The following ZNF622 variants were observed in gnomAD, a reference collection of about 807,000 sequenced individuals.
ZNF622 encodes the protein cytoplasmic 60S subunit biogenesis factor ZNF622.
ZNF622 carries 34 observed loss-of-function variants against 49.7 expected under a neutral mutation model. The ratio of observed to expected loss-of-function variants is 0.68; its 90% CI spans 0.52 to 0.91. The LOEUF is 0.91. Among genes scored for constraint, ZNF622 ranks in the 40% least tolerant of loss-of-function variants. The probability of loss-of-function intolerance (pLI) is 0.00; values close to 1 mark genes in which losing one functional copy is unlikely to be tolerated. For missense variants in ZNF622, 569 were observed against 616.4 expected (o/e 0.92, Z 0.81); for synonymous variants, 209 against 228.7 (o/e 0.91, Z 0.78).
intron 4 of ZNF622, among the ~76,000 whole-genome samples, chr5:16,454,856 T>C (rs1462823903): frequency 6.6e-6 from 1 of 152,172 alleles, no homozygotes; most frequent in African/African-American, 2.4e-5. Flanking sequence ...AGGGAAAATG[T>C]CCCAACCCAT....
rs1254865967 is a variant in ZNF622 at position 16,451,537 on chromosome 5, T to C, written c.*120A>G. The C allele has an allele frequency of 5.2e-6, 7 of 1,345,322 alleles. No homozygotes were observed. Among genetic ancestry groups the C allele is most frequent in the Non-Finnish European group, 7.0e-6 (7 of 993,344 alleles). 83.3% of individuals were successfully genotyped at this position (1,345,322 alleles called of 1,614,324 possible). The stretch of plus-strand genomic sequence containing the variant: ...AAACTCATATGGTTCTAACTTTTAT[T>C]ATTAGGTCAGAACGAATGAAGTAGC... On this transcript the variant is annotated 3_prime_UTR_variant, in exon 6 of 6. Transcript: ENST00000308683.
rs772579592 is a variant in ZNF622 at position 16,465,366 on chromosome 5, C to T, written c.300G>A (p.Gln100=). ...RHVELEKKAV[Q]AVNRKVEMMN... ...TCATCTCCACTTTCCGATTCACTGC[C>T]TGCACGGCCTTCTTCTCCAGCTCAA... is the stretch of plus-strand genomic sequence containing the variant. The change falls in exon 1 of 6, where the codon CAG becomes CAA. Residue 100 remains glutamine, a synonymous_variant. Transcript: ENST00000308683. The surrounding 1 kb of genome is among the most constrained non-coding windows in gnomAD (Gnocchi z 6.2). The T allele has an allele frequency of 1.2e-6, 2 of 1,614,296 alleles. No homozygotes were observed. Among genetic ancestry groups the T allele is most frequent in the Non-Finnish European group, 1.7e-6 (2 of 1,180,058 alleles).
intron 3 of ZNF622, among the ~76,000 whole-genome samples, chr5:16,461,712 T>C (rs1221770179): frequency 6.6e-6 from 1 of 152,154 alleles, no homozygotes; most frequent in Non-Finnish European, 1.5e-5. Context: ...CAGGAGTTGA[T>C]TTTGGACAGG....
At chr5:16,458,981 G>C (rs1365764829) in intron 3 of ZNF622, among the ~76,000 whole-genome samples, 1 of 152,214 alleles carries the variant, frequency 6.6e-6, no homozygotes, top group Non-Finnish European at 1.5e-5. Context: ...TGTGATGACA[G>C]AAAACGTTCT....
intron 5 of ZNF622, 65 bp from the exon 6 acceptor site, chr5:16,451,849 A>G (rs1260327517): frequency 3.9e-6 from 6 of 1,557,320 alleles, no homozygotes; most frequent in Non-Finnish European, 5.2e-6. Flanking sequence ...AGAAAATCCA[A>G]CCTTGGCAGA....
chr5:16,463,065 C>A lies in ZNF622; in HGVS notation c.1049+43G>T, dbSNP rs1451471043. On this transcript the variant is annotated intron_variant, in intron 3 of 5. Coordinates refer to ENST00000308683, the MANE Select transcript of ZNF622 (RefSeq NM_033414.3). This position sits in a 1 kb window ranked among gnomAD's most constrained non-coding sequence, Gnocchi z 4.2. ...GGCACACCTAATAATCACTTCAAAG[C>A]AAATATGACCTCACTTTACTTCATA... 7 of 1,577,720 alleles carry A rather than the reference C, an allele frequency of 4.4e-6. No homozygotes were observed. The East Asian group carries it at 1.6e-4, about 35-fold the overall frequency.
chr5:16,465,177 A>G lies in ZNF622; in HGVS notation c.489T>C (p.Thr163=). The part of the protein sequence containing the change: ...KEARNVVAVG[T]GGRGTHDRDP... ...CTCGGTCGTGGGTCCCACGGCCACC[A>G]GTACCCACGGCCACGACATTCCTGG... Residue 163 remains threonine (T), a synonymous_variant, in exon 1 of 6, where the codon ACT becomes ACC. Coordinates refer to ENST00000308683, the MANE Select transcript of ZNF622 (RefSeq NM_033414.3). The surrounding 1 kb of genome is among the most constrained non-coding windows in gnomAD (Gnocchi z 6.2). The G allele has an allele frequency of 6.2e-7, 1 of 1,614,180 alleles. No individual in the cohort carries two copies. Among genetic ancestry groups the G allele is most frequent in the Non-Finnish European group, 8.5e-7 (1 of 1,180,032 alleles).
In ZNF622 at chr5:16,463,573, C is replaced by T; in HGVS notation, c.795G>A (p.Met265Ile). 2 of 1,614,204 alleles carry T rather than the reference C, an allele frequency of 1.2e-6. No individual in the cohort carries two copies. Among genetic ancestry groups the T allele is most frequent in the Non-Finnish European group, 1.7e-6 (2 of 1,180,044 alleles). ...CTTTGGTCATGTGAGCCACATTCTT[C>T]ATCAGCGAGCTGGAATGATGGGAAC... ...LFCSHHSSSL[M>I]KNVAHMTKDH... The change falls in exon 2 of 6, where the codon ATG (methionine) becomes ATA (isoleucine). Residue 265 changes from methionine (M) to isoleucine (I), a missense_variant. Physicochemically the swap from Met to Ile is conservative, Grantham distance 10. Coordinates refer to ENST00000308683, the MANE Select transcript of ZNF622 (RefSeq NM_033414.3). This position sits in a 1 kb window ranked among gnomAD's most constrained non-coding sequence, Gnocchi z 4.2.
chr5:16,463,697 G>A lies in ZNF622; in HGVS notation c.671C>T (p.Thr224Ile), dbSNP rs1428958315. The stretch of plus-strand genomic sequence containing the variant: ...CTCCACCACATCGTCCATTGCTTCA[G>A]TATCCTCACATTCCAATTCTTCATC... ...DSDEELECED[T>I]EAMDDVVEQD... Residue 224 changes from threonine to isoleucine, a missense_variant, in exon 2 of 6, where the codon ACT (threonine) becomes ATT (isoleucine). Thr to Ile is a moderately conservative substitution (Grantham distance 89). Coordinates refer to ENST00000308683, the MANE Select transcript of ZNF622 (RefSeq NM_033414.3). The surrounding 1 kb of genome is among the most constrained non-coding windows in gnomAD (Gnocchi z 4.2). 6.2e-7 allele frequency: 1 copy of A among 1,614,174 alleles called. No homozygotes were observed. Among genetic ancestry groups the A allele is most frequent in the East Asian group, 2.2e-5 (1 of 44,882 alleles).
chr5:16,465,680 TAAG>T lies in ZNF622; in HGVS notation c.-18_-16del, dbSNP rs1561071392. The T allele has an allele frequency of 1.9e-6, 3 of 1,551,478 alleles. No individual in the cohort carries two copies. The highest frequency in any genetic ancestry group is 2.6e-6 in the Non-Finnish European group (3 of 1,150,468). On this transcript the variant is annotated 5_prime_UTR_variant, in exon 1 of 6. Transcript: ENST00000308683. The surrounding 1 kb of genome is among the most constrained non-coding windows in gnomAD (Gnocchi z 6.2). ...TACGTCGCCATTGCCAGGCGAGAAA[TAAG>T]AACCGACCAAGCCAAACACCTGGTG...
intron 3 of ZNF622, among the ~76,000 whole-genome samples, chr5:16,461,861 T>A (rs1738126157): frequency 6.6e-6 from 1 of 152,212 alleles, no homozygotes; most frequent in South Asian, 2.1e-4. Flanking sequence ...TTGAAATCTA[T>A]GAGACTGGGT....
chr5:16,464,111 G>C (rs966094955), intron 1 of ZNF622, among the ~76,000 whole-genome samples: 1 of 152,196 alleles, frequency 6.6e-6, no homozygotes, highest in Non-Finnish European at 1.5e-5. Flanking sequence ...ACTATGGGGT[G>C]TGTGTATGTG....
chr5:16,457,581 G>C lies in ZNF622; in HGVS notation c.1162+936C>G, dbSNP rs77581111. On this transcript the variant is annotated intron_variant, in intron 4 of 5. Transcript: ENST00000308683. ...TCTAAAGCTGCTCTTGGCCTTACAG[G>C]GTTATCATTCTGAGCTAAAGATAGT... Among the ~76,000 whole-genome samples, 191 of 152,272 alleles carry C rather than the reference G, an allele frequency of 1.3e-3. 3 individuals are homozygous for C. The East Asian group carries it at 0.034, about 27-fold the overall frequency.
In ZNF622 at chr5:16,463,298, T is replaced by A. The variant is rs763813100; in HGVS notation, c.887-28A>T. 3 of 1,577,796 alleles carry A rather than the reference T, an allele frequency of 1.9e-6. No homozygotes were observed. The highest frequency in any genetic ancestry group is 4.0e-5 in the Admixed American group (2 of 50,428). The stretch of plus-strand genomic sequence containing the variant: ...AGAAAAATAATTTAAGGAAAAAATA[T>A]GAAAAAAGCTTTTTGCAACCAGATT... On this transcript the variant is annotated intron_variant, in intron 2 of 5. Transcript: ENST00000308683. The surrounding 1 kb of genome is among the most constrained non-coding windows in gnomAD (Gnocchi z 4.2).
chr5:16,465,068 C>T lies in ZNF622; in HGVS notation c.598G>A (p.Glu200Lys), dbSNP rs1738190824. The T allele has an allele frequency of 2.5e-6, 4 of 1,601,838 alleles. No homozygotes were observed. The highest frequency in any genetic ancestry group is 2.2e-5 in the South Asian group (2 of 89,664). Residue 200 changes from glutamate to lysine, a missense_variant, in exon 1 of 6, where the codon GAG becomes AAG. By Grantham distance (56) the Glu-to-Lys change is moderately conservative. Transcript: ENST00000308683. This position sits in a 1 kb window ranked among gnomAD's most constrained non-coding sequence, Gnocchi z 6.2. ...TCTCCATCCAGGTCCTCTTCCTCCT[C>T]CTCGCTGTCCTCCTCCTGCTGCTTT... Reference protein sequence around the residue: ...LAKQQEEDSEEEEEDLDGDDW... With the variant: ...LAKQQEEDSEKEEEDLDGDDW...
chr5:16,454,552 G>C (rs1737994133), intron 4 of ZNF622, among the ~76,000 whole-genome samples: 1 of 150,608 alleles, frequency 6.6e-6, no homozygotes, highest in Non-Finnish European at 1.5e-5. Context: ...AAATTCTGTA[G>C]CTGGAATAAT....
rs745618725 is a variant in ZNF622 at position 16,453,045 on chromosome 5, T to G, written c.1274A>C (p.Gln425Pro). Residue 425 changes from glutamine to proline, a missense_variant, in exon 5 of 6, where the codon CAG (glutamine) becomes CCG (proline). Coordinates refer to ENST00000308683, the MANE Select transcript of ZNF622 (RefSeq NM_033414.3). ...GCCAGTCCATCCCAGGGCTCTGTAC[T>G]GCTGAAGTACTCGGCCCACGGCCTT... ...NRKAVGRVLQ[Q>P]YRALGWTGST... 3.8e-6 allele frequency: 6 copies of G among 1,572,394 alleles called. No homozygotes were observed. The Admixed American group carries it at 1.1e-4, about 28-fold the overall frequency.
intron 3 of ZNF622, among the ~76,000 whole-genome samples, chr5:16,461,664 A>T (rs1232726846): frequency 6.6e-6 from 1 of 150,692 alleles, no homozygotes; most frequent in Non-Finnish European, 1.5e-5. Flanking sequence ...AAGGACAGAG[A>T]TGCCATTTAC....
At chr5:16,452,879 G>A (rs916080146) in intron 5 of ZNF622, 134 bp downstream of exon 5, 5 of 942,426 alleles carry the variant, frequency 5.3e-6, no homozygotes, top group Admixed American at 4.0e-5. Flanking sequence ...GGTAATGGAA[G>A]TCCCTGGAGC....
Sources: allele counts gnomAD v4.1 joint callset (sites outside exome capture counted in the v4.1 genomes callset), GRCh38; gene constraint gnomAD v4.1.1; non-coding constraint Gnocchi (gnomAD v3.1); transcripts MANE v1.5; gene names NCBI Gene and HGNC (gene_info 2026-07-23, HGNC 2026-07-21).